Variants in MCC observed in about 807,000 individuals in gnomAD.
MCC encodes MCC regulator of Wnt signaling pathway.
In MCC, 90 loss-of-function variants were observed where a neutral mutation model predicts 116.2. The ratio of observed to expected loss-of-function variants is 0.77; its 90% CI spans 0.65 to 0.92. MCC has a LOEUF of 0.92. Among genes scored for constraint, MCC ranks in the 40% least tolerant of loss-of-function variants. MCC has a pLI of 0.00. For synonymous variants in MCC, 578 were observed against 510.5 expected, an observed-to-expected ratio of 1.13 and a Z score of -1.78; for missense variants, 1,516 against 1,312.2, an observed-to-expected ratio of 1.16 and a Z score of -2.40.
intron 11 of MCC, among the ~76,000 whole-genome samples, chr5:113,080,621 C>T (rs556332770): frequency 6.6e-6 from 1 of 152,146 alleles, no homozygotes; most frequent in Non-Finnish European, 1.5e-5. Flanking sequence ...CCTGGACACA[C>T]GGTGTGGAAC....
chr5:113,216,478 T>C (rs1763320069), intron 3 of MCC, among the ~76,000 whole-genome samples: 1 of 152,196 alleles, frequency 6.6e-6, no homozygotes, highest in East Asian at 1.9e-4. Flanking sequence ...CTGTAAGCAT[T>C]TTTGTCTTCC....
At chr5:113,044,542 A>T (rs896940057) in intron 16 of MCC, 1 of 925,814 alleles carries the variant, frequency 1.1e-6, no homozygotes, top group Non-Finnish European at 1.3e-6. Flanking sequence ...AAAGCTTGTG[A>T]TCTGTTGCAG....
intron 3 of MCC, among the ~76,000 whole-genome samples, chr5:113,284,764 C>T (rs370745138): frequency 2.6e-4 from 40 of 152,294 alleles, no homozygotes; most frequent in African/African-American, 8.7e-4. Flanking sequence ...CATAATCTGA[C>T]TGCCAAGTAG....
intron 5 of MCC, among the ~76,000 whole-genome samples, chr5:113,123,501 C>G (rs1221743609): frequency 6.6e-6 from 1 of 152,214 alleles, no homozygotes; most frequent in African/African-American, 2.4e-5. Context: ...CACTTGCTAA[C>G]AGGAAGACAA....
At chr5:113,040,674 T>G (rs1169987887) in intron 17 of MCC, among the ~76,000 whole-genome samples, 1 of 152,206 alleles carries the variant, frequency 6.6e-6, no homozygotes, top group Non-Finnish European at 1.5e-5. Context: ...TTGTATCCCC[T>G]CATGAAGTGA....
chr5:113,083,682 G>C (rs1024784524), intron 10 of MCC, among the ~76,000 whole-genome samples: 2 of 152,068 alleles, frequency 1.3e-5, no homozygotes, highest in Non-Finnish European at 2.9e-5. Context: ...TCCCACCACT[G>C]GGCTAGGCTT....
chr5:113,043,245 G>A lies in MCC; in HGVS notation c.2756+285C>T, dbSNP rs139061589. Among the ~76,000 whole-genome samples the A allele has an allele frequency of 6.8e-4, 103 of 152,316 alleles. 1 individual carries two copies. The highest frequency in any genetic ancestry group is 4.8e-3 in the Admixed American group (74 of 15,308). ...TCACCTCACTAGTTAACACTGTCCCGGAAGTTTCTAGCCAATGCAACAACA... is the reference window on the plus strand; with the variant it reads ...TCACCTCACTAGTTAACACTGTCCCAGAAGTTTCTAGCCAATGCAACAACA... On this transcript the variant is annotated intron_variant, in intron 17 of 18. Transcript: ENST00000408903.
chr5:113,294,876 G>C (rs1378460910), intron 3 of MCC: 3 of 985,684 alleles, frequency 3.0e-6, no homozygotes, highest in African/African-American at 3.5e-5. Context: ...AAGAAAGCTA[G>C]AGGGAGCCGG....
At chr5:113,245,918 A>C (rs1353450844) in intron 3 of MCC, among the ~76,000 whole-genome samples, 2 of 152,210 alleles carry the variant, frequency 1.3e-5, no homozygotes, top group Non-Finnish European at 2.9e-5. Context: ...AGTGTATGGA[A>C]GTCTGGGCTT....
rs777226740 is a variant in MCC, at chr5:113,406,909, T to A, written c.171-21697A>T. Among the ~76,000 whole-genome samples the A allele has an allele frequency of 5.6e-4, 86 of 152,300 alleles. 1 individual carries two copies. Among genetic ancestry groups the A allele is most frequent in the South Asian group, 6.2e-4 (3 of 4,826 alleles). On this transcript the variant is annotated intron_variant, in intron 1 of 18. Coordinates refer to ENST00000408903, the MANE Select transcript of MCC (RefSeq NM_001085377.2). ...CCATCCTTAGGCCTGCCTTAAAGGT[T>A]CTACACCCCTTGAGCCTGGCCCATC... is the stretch of plus-strand genomic sequence containing the variant.
intron 3 of MCC, among the ~76,000 whole-genome samples, chr5:113,155,157 TACTTC>T (rs1420000655): frequency 2.6e-5 from 4 of 152,348 alleles, no homozygotes; most frequent in East Asian, 1.9e-4. Flanking sequence ...GTGCATGGCT[TACTTC>T]ACTTAACATA....
intron 3 of MCC, among the ~76,000 whole-genome samples, chr5:113,277,838 G>C (rs1045311880): frequency 6.6e-6 from 1 of 152,168 alleles, no homozygotes; most frequent in Admixed American, 6.5e-5. Context: ...CATTGTGAGT[G>C]AACAGCCATG....
intron 14 of MCC, among the ~76,000 whole-genome samples, chr5:113,062,101 T>C (rs897517422): frequency 6.6e-6 from 1 of 152,166 alleles, no homozygotes; most frequent in Admixed American, 6.5e-5. Context: ...GTAAAAGTGA[T>C]TTTTTAAGGA....
chr5:113,305,297 A>C (rs1730470481), intron 3 of MCC, among the ~76,000 whole-genome samples: 1 of 152,168 alleles, frequency 6.6e-6, no homozygotes, highest in South Asian at 2.1e-4. Flanking sequence ...ACATGAGCTC[A>C]AACTTCCCCT....
At chr5:113,236,739 G>C (rs1200797130) in intron 3 of MCC, among the ~76,000 whole-genome samples, 1 of 152,120 alleles carries the variant, frequency 6.6e-6, no homozygotes, top group Non-Finnish European at 1.5e-5. Context: ...CAGATAAAAA[G>C]CCAGAAGAAT....
intron 3 of MCC, among the ~76,000 whole-genome samples, chr5:113,268,688 A>C (rs766829006): frequency 3.3e-5 from 5 of 152,212 alleles, no homozygotes; most frequent in Non-Finnish European, 5.9e-5. Flanking sequence ...CTAATTTAAC[A>C]CCGCAGAAGC....
chr5:113,267,409 TA>T (rs376686234), intron 3 of MCC, among the ~76,000 whole-genome samples: 1 of 152,314 alleles, frequency 6.6e-6, no homozygotes, highest in African/African-American at 2.4e-5. Flanking sequence ...CACGTTTATA[TA>T]AAATCCACCC....
chr5:113,214,479 A>C (rs1196549936), intron 3 of MCC, among the ~76,000 whole-genome samples: 5 of 152,216 alleles, frequency 3.3e-5, no homozygotes, highest in Admixed American at 2.6e-4. Flanking sequence ...TGAGAATCTA[A>C]GAGATAAATA....
chr5:113,113,054 G>C (rs769846756), intron 6 of MCC, among the ~76,000 whole-genome samples: 1 of 152,196 alleles, frequency 6.6e-6, no homozygotes, highest in South Asian at 2.1e-4. Flanking sequence ...GTGGGCTATA[G>C]CAGGACTGGC....
Sources: gnomAD v4.1 joint callset for allele counts (sites outside exome capture counted in the v4.1 genomes callset) on GRCh38, gnomAD v4.1.1 for gene constraint, MANE v1.5 for transcripts, NCBI Gene and HGNC (gene_info 2026-07-23, HGNC 2026-07-21) for gene names.